Variants in EYS observed in about 807,000 individuals in gnomAD.
EYS encodes the protein EGF-like photoreceptor maintenance factor, also known as protein eyes shut homolog.
Under a neutral mutation model 282.1 loss-of-function variants are expected in EYS, and 250 were observed. The observed-to-expected ratio is 0.89, with a 90% CI of 0.80 to 0.98. EYS has a LOEUF of 0.98. Among genes scored for constraint, EYS ranks in the 50% least tolerant of loss-of-function variants. The pLI is 0.00. For synonymous variants in EYS, 1,355 were observed against 1,282.9 expected, an observed-to-expected ratio of 1.06 and a Z score of -1.20; for missense variants, 4,016 against 3,709.0, an observed-to-expected ratio of 1.08 and a Z score of -2.15.
chr6:64,216,802 G>T (rs1765942601), intron 31 of EYS, among the ~76,000 whole-genome samples: 1 of 152,146 alleles, frequency 6.6e-6, no homozygotes, highest in Admixed American at 6.6e-5. Flanking sequence ...CAGAACCCAA[G>T]AGATTTCATG....
rs73440840 is a variant in EYS at position 64,681,296 on chromosome 6, A to G, written c.3444-55051T>C. On this transcript the variant is annotated intron_variant, in intron 22 of 42. Coordinates refer to ENST00000503581, the MANE Select transcript of EYS (RefSeq NM_001142800.2). ...GAGTAGAATTTTTTATTGTATGACT[A>G]TTGCTTGAGGGTAATTTCTGGTCCC... is the stretch of plus-strand genomic sequence containing the variant. 4.8e-3 allele frequency among the ~76,000 whole-genome samples: 728 copies of G among 152,258 alleles called. 6 individuals are homozygous for G. The highest frequency in any genetic ancestry group is 0.016 in the African/African-American group (673 of 41,540).
chr6:63,943,759 A>T (rs1328434378), intron 35 of EYS, among the ~76,000 whole-genome samples: 2 of 152,312 alleles, frequency 1.3e-5, no homozygotes, highest in Non-Finnish European at 2.9e-5. Context: ...CTCCAGATAG[A>T]TAGTAACTTG....
rs527619821 is a variant in EYS, at chr6:64,249,735, C to A, written c.6192-18911G>T. Among the ~76,000 whole-genome samples the A allele has an allele frequency of 2.0e-5, 3 of 152,274 alleles. No individual in the cohort carries two copies. In the East Asian group the frequency reaches 5.8e-4, roughly 29 times the overall value. On this transcript the variant is annotated intron_variant, in intron 30 of 42. Coordinates refer to ENST00000503581, the MANE Select transcript of EYS (RefSeq NM_001142800.2). ...TAGGAGAAGAATCACCTGATAAGAG[C>A]TGTGGTCCTGGAGAGAGGAATGCAT...
chr6:64,616,339 C>T (rs1485886539), intron 24 of EYS, among the ~76,000 whole-genome samples: 4 of 152,052 alleles, frequency 2.6e-5, no homozygotes, highest in East Asian at 1.9e-4. Flanking sequence ...AAAGATCTAT[C>T]GCTTTTGTAG....
At chr6:64,321,201 T>G (rs1770208416) in intron 29 of EYS, among the ~76,000 whole-genome samples, 1 of 151,782 alleles carries the variant, frequency 6.6e-6, no homozygotes, top group Non-Finnish European at 1.5e-5. Flanking sequence ...TCAAATACTA[T>G]GAACACTTAT....
chr6:64,649,915 A>G (rs1315309582), intron 22 of EYS, among the ~76,000 whole-genome samples: 1 of 152,180 alleles, frequency 6.6e-6, no homozygotes, highest in Non-Finnish European at 1.5e-5. Flanking sequence ...TGAGGGTACC[A>G]TGGACTACTC....
intron 16 of EYS, among the ~76,000 whole-genome samples, chr6:64,904,018 T>A (rs924064529): frequency 1.9e-4 from 29 of 152,180 alleles, no homozygotes; most frequent in Non-Finnish European, 4.4e-5. Flanking sequence ...TATCAAAAGT[T>A]ATATTAAATA....
At chr6:63,729,995 A>G (rs987656130) in intron 41 of EYS, among the ~76,000 whole-genome samples, 1 of 152,214 alleles carries the variant, frequency 6.6e-6, no homozygotes, top group African/African-American at 2.4e-5. Context: ...TATGAGTTAT[A>G]TCGAACTTAA....
At chr6:65,617,060 A>T (rs2149798588) in intron 2 of EYS, among the ~76,000 whole-genome samples, 1 of 152,288 alleles carries the variant, frequency 6.6e-6, no homozygotes, top group Middle Eastern at 3.4e-3. Context: ...TTTTATGGAA[A>T]GGGAGAAATA....
At chr6:64,277,228 C>T (rs1286215838) in intron 30 of EYS, among the ~76,000 whole-genome samples, 1 of 152,122 alleles carries the variant, frequency 6.6e-6, no homozygotes, top group Non-Finnish European at 1.5e-5. Context: ...TTACAGATAG[C>T]TTTGTGAAAC....
At chr6:63,841,855 C>T (rs995036463) in intron 36 of EYS, among the ~76,000 whole-genome samples, 10 of 152,056 alleles carry the variant, frequency 6.6e-5, no homozygotes, top group South Asian at 2.1e-4. Context: ...TGAGAACATG[C>T]GGGGTTTGGT....
chr6:64,372,737 A>C (rs1339739951), intron 29 of EYS, among the ~76,000 whole-genome samples: 4 of 152,040 alleles, frequency 2.6e-5, no homozygotes, highest in African/African-American at 9.7e-5. Context: ...GATTTTGTTC[A>C]TTCTTTATTG....
intron 34 of EYS, among the ~76,000 whole-genome samples, chr6:63,992,964 C>T (rs1313766838): frequency 1.3e-5 from 2 of 151,712 alleles, no homozygotes; most frequent in Non-Finnish European, 2.9e-5. Flanking sequence ...AGCGGCAGTT[C>T]GCTTGAGATC....
At chr6:65,682,402 C>T (rs1035802807) in intron 1 of EYS, among the ~76,000 whole-genome samples, 2 of 151,710 alleles carry the variant, frequency 1.3e-5, no homozygotes, top group Non-Finnish European at 2.9e-5. Flanking sequence ...CTGTATCTTC[C>T]AAGGCTTTTA....
intron 22 of EYS, among the ~76,000 whole-genome samples, chr6:64,662,152 A>G (rs1204598828): frequency 2.0e-5 from 3 of 147,190 alleles, no homozygotes; most frequent in African/African-American, 7.5e-5. Flanking sequence ...CAAACACCAC[A>G]TGTTCTCACT....
chr6:65,326,562 T>C (rs537248558), intron 11 of EYS, among the ~76,000 whole-genome samples: 8 of 151,638 alleles, frequency 5.3e-5, no homozygotes, highest in South Asian at 2.1e-4. Context: ...TTCTTTCAAC[T>C]TTTATCCTTT....
chr6:64,116,342 A>G (rs978730124), intron 31 of EYS, among the ~76,000 whole-genome samples: 1 of 152,156 alleles, frequency 6.6e-6, no homozygotes, highest in Non-Finnish European at 1.5e-5. Context: ...AGTCCAGGAA[A>G]GAATGGGGAG....
chr6:64,074,448 G>A (rs957947424), intron 32 of EYS, among the ~76,000 whole-genome samples: 73 of 151,366 alleles, frequency 4.8e-4, no homozygotes, highest in African/African-American at 1.6e-3. Context: ...TGTAGATCTG[G>A]AATTTGCTAA....
intron 35 of EYS, among the ~76,000 whole-genome samples, chr6:63,925,512 C>A (rs1278436268): frequency 6.6e-6 from 1 of 152,132 alleles, no homozygotes; most frequent in Non-Finnish European, 1.5e-5. Flanking sequence ...GTTTCTTTGG[C>A]ATTGTGCTTT....
Sources: gnomAD v4.1 joint callset for allele counts (sites outside exome capture counted in the v4.1 genomes callset) on GRCh38, gnomAD v4.1.1 for gene constraint, MANE v1.5 for transcripts, NCBI Gene and HGNC (gene_info 2026-07-23, HGNC 2026-07-21) for gene names.